RNF135: variants seen among roughly 807,000 people sequenced by gnomAD.
RNF135 encodes the protein E3 ubiquitin-protein ligase RNF135.
In RNF135, 46 loss-of-function variants were observed where a neutral mutation model predicts 41.9. The observed-to-expected ratio is 1.10, with a 90% CI of 0.87 to 1.40. The LOEUF (loss-of-function observed/expected upper bound fraction) is 1.40, where lower values mean the gene tolerates loss of function less well. RNF135 is among the 40% of genes most tolerant of loss of function. The pLI, the probability that RNF135 is intolerant of heterozygous loss-of-function variation, is 0.00. For synonymous variants in RNF135, 238 were observed against 223.8 expected, an observed-to-expected ratio of 1.06 and a Z score of -0.57; for missense variants, 539 against 549.8, an observed-to-expected ratio of 0.98 and a Z score of 0.20.
upstream of RNF135, among the ~76,000 whole-genome samples, chr17:30,966,390 T>C (rs59265653): frequency 7.7e-6 from 1 of 130,692 alleles, no homozygotes; most frequent in South Asian, 2.1e-4. Flanking sequence ...TAAGTTTTAT[T>C]TTATTATTTT....
At chr17:30,975,278 A>T (rs908211176) in intron 1 of RNF135, 18 of 570,432 alleles carry the variant, frequency 3.2e-5, no homozygotes, top group South Asian at 6.0e-5. Context: ...AGCTGTTTTC[A>T]TGTCACTGCA....
chr17:30,995,926 TTGTG>T (rs56185624), intron 3 of RNF135, among the ~76,000 whole-genome samples: 2 of 147,732 alleles, frequency 1.4e-5, no homozygotes, highest in African/African-American at 2.5e-5. Flanking sequence ...CTGACTAGTT[TTGTG>T]TGTGTGTGTG....
chr17:30,968,500 C>T (rs1905649224), upstream of RNF135, among the ~76,000 whole-genome samples: 1 of 151,586 alleles, frequency 6.6e-6, no homozygotes, highest in South Asian at 2.1e-4. Context: ...ATTCTCCTCC[C>T]TCAGCCTCCT....
At chr17:30,971,754 C>CTA in intron 1 of RNF135, 1 of 1,241,994 alleles carries the variant, frequency 8.1e-7, no homozygotes, top group South Asian at 2.2e-5. Context: ...GTGGTAAGAT[C>CTA]TATATAACAT....
chr17:30,962,725 A>G, the RNF135 span, among the ~76,000 whole-genome samples: 965 of 152,270 alleles, frequency 6.3e-3, 9 homozygotes, highest in African/African-American at 0.022. Flanking sequence ...GGGCCTCCCA[A>G]AGTGCTGGGA....
At chr17:30,970,578 CTG>C (rs1430805863), upstream of RNF135, 1 of 160,872 alleles carries the variant, frequency 6.2e-6, no homozygotes, top group African/African-American at 2.4e-5. Context: ...CTCCCTGTGG[CTG>C]TGCATCGGTG....
At chr17:30,975,500 C>T (rs971866273) in intron 1 of RNF135, 1 of 777,248 alleles carries the variant, frequency 1.3e-6, no homozygotes, top group South Asian at 1.3e-5. Flanking sequence ...CAATGAGAAC[C>T]CATACCCAAA....
chr17:30,971,038 C>A, upstream of RNF135: 1 of 1,533,348 alleles, frequency 6.5e-7, no homozygotes, highest in South Asian at 1.2e-5. Flanking sequence ...TCGCCCGGCT[C>A]AACCCCGACG....
chr17:30,983,333 ATATATATATATATATATATATT>A (rs1284738954), intron 1 of RNF135, among the ~76,000 whole-genome samples: 3 of 26,500 alleles, frequency 1.1e-4, no homozygotes, highest in Admixed American at 4.3e-4. Flanking sequence ...ATATATATAT[ATATATATATATATATATATATT>A]TTTTTTTTTT....
At chr17:30,985,908 C>T (rs1907545862) in intron 2 of RNF135, among the ~76,000 whole-genome samples, 1 of 152,162 alleles carries the variant, frequency 6.6e-6, no homozygotes, top group Non-Finnish European at 1.5e-5. Context: ...TAGTGTGTCT[C>T]ACGTCTTCCC....
At chr17:30,970,526 AC>A (rs1378903765), upstream of RNF135, 5 of 158,088 alleles carry the variant, frequency 3.2e-5, no homozygotes, top group African/African-American at 1.2e-4. Context: ...ATGAAATCAG[AC>A]TCCCTGCGAG....
At chr17:30,960,116 G>A in the RNF135 span, among the ~76,000 whole-genome samples, 2 of 151,942 alleles carry the variant, frequency 1.3e-5, no homozygotes, top group East Asian at 1.9e-4. Flanking sequence ...TTTATTGGCC[G>A]GGCACGGTGG....
chr17:30,963,367 C>G, the RNF135 span, among the ~76,000 whole-genome samples: 1 of 151,658 alleles, frequency 6.6e-6, no homozygotes, highest in Non-Finnish European at 1.5e-5. Flanking sequence ...CAGATCACGA[C>G]GTCAGGAGAT....
chr17:30,979,991 C>T (rs1325291118), intron 1 of RNF135, among the ~76,000 whole-genome samples: 10 of 112,188 alleles, frequency 8.9e-5, no homozygotes, highest in Non-Finnish European at 1.7e-4. Context: ...GGGGGCTGAT[C>T]CTCCCACCTC....
the RNF135 span, among the ~76,000 whole-genome samples, chr17:30,963,765 C>T: frequency 0.2 from 30,565 of 151,958 alleles, 9,720 homozygotes; most frequent in African/African-American, 0.68. Context: ...TGACTTTCTT[C>T]GTTTTTTGCT....
At chr17:30,982,236 TAGAGCCCC>T (rs1907203053) in intron 1 of RNF135, among the ~76,000 whole-genome samples, 1 of 152,146 alleles carries the variant, frequency 6.6e-6, no homozygotes, top group South Asian at 2.1e-4. Context: ...CAAGTTTATT[TAGAGCCCC>T]AGAGCACTTC....
intron 3 of RNF135, among the ~76,000 whole-genome samples, chr17:30,990,882 CATTT>C (rs1251424347): frequency 2.0e-5 from 3 of 152,112 alleles, no homozygotes; most frequent in Non-Finnish European, 4.4e-5. Context: ...GGTATGCCAA[CATTT>C]ATTTACTCCA....
chr17:30,969,754 T>C (rs1248705195), upstream of RNF135, among the ~76,000 whole-genome samples: 1 of 145,214 alleles, frequency 6.9e-6, no homozygotes, highest in African/African-American at 2.7e-5. Flanking sequence ...TTCTTTCTTT[T>C]TTTTCTTTTT....
At chr17:30,991,882 T>C (rs1598099627) in intron 3 of RNF135, among the ~76,000 whole-genome samples, 1 of 152,102 alleles carries the variant, frequency 6.6e-6, no homozygotes. Flanking sequence ...TGTCTTTTTA[T>C]TTATCTTTTA....
Sources: allele counts gnomAD v4.1 joint callset (sites outside exome capture counted in the v4.1 genomes callset), GRCh38; gene constraint gnomAD v4.1.1; transcripts MANE v1.5; gene names NCBI Gene and HGNC (gene_info 2026-07-23, HGNC 2026-07-21).